The following SRGAP1 variants were observed in gnomAD, a reference collection of about 807,000 sequenced individuals.
The protein encoded by SRGAP1 is SLIT-ROBO Rho GTPase-activating protein 1.
In SRGAP1, 43 loss-of-function variants were observed where a neutral mutation model predicts 121.9. The ratio of observed to expected loss-of-function variants is 0.35; its 90% CI spans 0.28 to 0.46. SRGAP1 has a LOEUF of 0.46. SRGAP1 is among the 20% of genes least tolerant of loss of function. The pLI is 1.00. For synonymous variants in SRGAP1, 447 were observed against 485.4 expected, an observed-to-expected ratio of 0.92 and a Z score of 1.04; for missense variants, 1,102 against 1,350.9, an observed-to-expected ratio of 0.82 and a Z score of 2.89.
chr12:63,965,855 G>C (rs1260036214), intron 1 of SRGAP1, among the ~76,000 whole-genome samples: 2 of 151,838 alleles, frequency 1.3e-5, no homozygotes, highest in Non-Finnish European at 1.5e-5. Context: ...TTTCACTCTT[G>C]TTGCCCAGGC....
At chr12:64,085,745 G>C (rs972855589) in intron 10 of SRGAP1, among the ~76,000 whole-genome samples, 1 of 152,122 alleles carries the variant, frequency 6.6e-6, no homozygotes, top group African/African-American at 2.4e-5. Context: ...CTCCAAGGTA[G>C]CAGAAGGCCA....
chr12:64,134,184 G>A (rs2036825739), intron 21 of SRGAP1, among the ~76,000 whole-genome samples: 2 of 152,066 alleles, frequency 1.3e-5, no homozygotes. Context: ...CACTTTGGGA[G>A]GCCAAGGCAG....
At chr12:63,914,493 G>A (rs187690898) in intron 1 of SRGAP1, among the ~76,000 whole-genome samples, 91 of 152,188 alleles carry the variant, frequency 6.0e-4, no homozygotes, top group Middle Eastern at 3.4e-3. Context: ...ATTTAATATT[G>A]TCAAGAATTA....
intron 3 of SRGAP1, among the ~76,000 whole-genome samples, chr12:63,990,890 C>T (rs968636773): frequency 2.0e-5 from 3 of 152,270 alleles, no homozygotes; most frequent in East Asian, 1.9e-4. Flanking sequence ...TGTGAGAGAG[C>T]GACATGAAGA....
chr12:63,875,985 C>T (rs1338334976), intron 1 of SRGAP1, among the ~76,000 whole-genome samples: 2 of 152,184 alleles, frequency 1.3e-5, no homozygotes, highest in Non-Finnish European at 2.9e-5. Context: ...TTGTATCTCT[C>T]TGTGACAGCT....
intron 16 of SRGAP1, among the ~76,000 whole-genome samples, chr12:64,111,472 A>G (rs1378693453): frequency 6.6e-6 from 1 of 152,136 alleles, no homozygotes; most frequent in Admixed American, 6.6e-5. Flanking sequence ...TGACCGTCAC[A>G]TTTGCAAATA....
chr12:63,864,543 C>G (rs977611737), intron 1 of SRGAP1, among the ~76,000 whole-genome samples: 3 of 152,284 alleles, frequency 2.0e-5, no homozygotes, highest in Non-Finnish European at 4.4e-5. Flanking sequence ...TTCTGCCTTA[C>G]TTTCCTTGCC....
intron 4 of SRGAP1, among the ~76,000 whole-genome samples, chr12:64,021,376 T>TAA (rs577411210): frequency 5.3e-5 from 8 of 152,266 alleles, no homozygotes; most frequent in Admixed American, 1.3e-4. Flanking sequence ...CCAGAGTAGC[T>TAA]AACATTTACC....
intron 1 of SRGAP1, among the ~76,000 whole-genome samples, chr12:63,945,812 T>C (rs1024728565): frequency 2.0e-5 from 3 of 152,176 alleles, no homozygotes; most frequent in Non-Finnish European, 4.4e-5. Flanking sequence ...GACTCAGGTA[T>C]GAGCCATTCA....
At chr12:63,949,187 T>A (rs144414914) in intron 1 of SRGAP1, among the ~76,000 whole-genome samples, 4,127 of 57,800 alleles carry the variant, frequency 0.071, 318 homozygotes, top group Admixed American at 0.11. Context: ...CCATATATAT[T>A]TTTTTTTCCA....
At chr12:64,005,108 G>A (rs2034039885) in intron 3 of SRGAP1, among the ~76,000 whole-genome samples, 1 of 152,162 alleles carries the variant, frequency 6.6e-6, no homozygotes, top group Non-Finnish European at 1.5e-5. Context: ...ATTATTGTGA[G>A]TGAAGCAGTT....
At chr12:63,846,499 C>G (rs544966853) in intron 1 of SRGAP1, among the ~76,000 whole-genome samples, 2 of 152,156 alleles carry the variant, frequency 1.3e-5, no homozygotes, top group Non-Finnish European at 2.9e-5. Context: ...GCTGTAAGGT[C>G]ACTTGCCAGT....
At chr12:63,909,966 C>T (rs770727062) in intron 1 of SRGAP1, among the ~76,000 whole-genome samples, 1 of 152,134 alleles carries the variant, frequency 6.6e-6, no homozygotes, top group Non-Finnish European at 1.5e-5. Flanking sequence ...AAAGTCAACC[C>T]GTTATAGATG....
chr12:63,970,430 T>C (rs976234900), intron 1 of SRGAP1, among the ~76,000 whole-genome samples: 10 of 152,156 alleles, frequency 6.6e-5, no homozygotes, highest in Admixed American at 3.9e-4. Flanking sequence ...AAAAAACTTA[T>C]AGGGAAGTAG....
chr12:63,993,592 G>A (rs2033615431), intron 3 of SRGAP1, among the ~76,000 whole-genome samples: 1 of 152,144 alleles, frequency 6.6e-6, no homozygotes, highest in African/African-American at 2.4e-5. Flanking sequence ...CTGTGTGCCT[G>A]ATAGTTTTGG....
intron 10 of SRGAP1, among the ~76,000 whole-genome samples, chr12:64,086,651 G>T (rs913232485): frequency 4.7e-5 from 7 of 149,100 alleles, no homozygotes; most frequent in African/African-American, 1.5e-4. Context: ...TCTAAATCTT[G>T]GATATGTCTT....
At chr12:63,992,660 T>TACACACACACACACACACACACAC (rs59798383) in intron 3 of SRGAP1, among the ~76,000 whole-genome samples, 2 of 138,496 alleles carry the variant, frequency 1.4e-5, no homozygotes, top group African/African-American at 5.6e-5. Flanking sequence ...GCACAGTAAA[T>TACACACACACACACACACACACAC]ACACACACAC....
At position 64,160,945 on chromosome 12, in the gene SRGAP1, C is replaced by T. The variant is rs915600329; in HGVS notation, c.*18273C>T. 3.9e-5 allele frequency: 6 copies of T among 152,256 alleles called. No individual in the cohort carries two copies. Among genetic ancestry groups the T allele is most frequent in the South Asian group, 2.1e-4 (1 of 4,828 alleles). 9.4% of individuals were successfully genotyped at this position (152,256 alleles called of 1,614,324 possible). A position where few individuals can be genotyped will look rare whatever the true frequency, so the allele number is the denominator to read the frequency against. On this transcript the variant is annotated 3_prime_UTR_variant, in exon 22 of 22. Transcript: ENST00000355086. ...TTCCAAAGCCATTCTAATTCTGTTA[C>T]TTTGTATGTTCTTTTTTTTCCCTAT...
chr12:64,095,494 G>A (rs2036138896), intron 14 of SRGAP1, among the ~76,000 whole-genome samples: 1 of 152,136 alleles, frequency 6.6e-6, no homozygotes, highest in Non-Finnish European at 1.5e-5. Flanking sequence ...CTGGAAGAGT[G>A]GCCAGGGCAG....
Sources: gnomAD v4.1 joint callset for allele counts (sites outside exome capture counted in the v4.1 genomes callset) on GRCh38, gnomAD v4.1.1 for gene constraint, MANE v1.5 for transcripts, NCBI Gene and HGNC (gene_info 2026-07-23, HGNC 2026-07-21) for gene names.